GYS1: variants seen among roughly 807,000 people sequenced by gnomAD.
The protein encoded by GYS1 is glycogen [starch] synthase, muscle.
GYS1 carries 60 observed loss-of-function variants against 89.1 expected under a neutral mutation model. That is an observed-to-expected ratio of 0.67 (90% CI 0.55 to 0.84). The LOEUF (loss-of-function observed/expected upper bound fraction) is 0.84. Among genes scored for constraint, GYS1 ranks in the 40% least tolerant of loss-of-function variants. The pLI, the probability that GYS1 is intolerant of heterozygous loss-of-function variation, is 0.00. For missense variants in GYS1, 888 were observed against 1,003.1 expected (o/e 0.89, Z 1.55); for synonymous variants, 366 against 401.7 (o/e 0.91, Z 1.06).
chr19:48,983,795 T>G (rs899561192), intron 5 of GYS1, among the ~76,000 whole-genome samples: 4 of 152,142 alleles, frequency 2.6e-5, no homozygotes, highest in Non-Finnish European at 5.9e-5. Context: ...AAGACCAATC[T>G]ACATTAGCCA....
intron 2 of GYS1, among the ~76,000 whole-genome samples, chr19:48,988,479 A>G (rs1459918843): frequency 6.6e-6 from 1 of 152,012 alleles, no homozygotes; most frequent in East Asian, 1.9e-4. Context: ...CCACCATGCC[A>G]GGCTGATTTT....
At chr19:48,981,268 C>A (rs937699679) in intron 8 of GYS1, among the ~76,000 whole-genome samples, 20 of 151,690 alleles carry the variant, frequency 1.3e-4, no homozygotes, top group Admixed American at 1.1e-3. Context: ...CAAAAATTAG[C>A]CAGGCATGGT....
chr19:48,982,443 A>C, intron 6 of GYS1, 68 bp from the exon 7 acceptor site: 1 of 1,593,098 alleles, frequency 6.3e-7, no homozygotes, highest in African/African-American at 1.3e-5. Flanking sequence ...CAAAACTACA[A>C]ATCCCAGAAG....
intron 8 of GYS1, 138 bp from the exon 9 acceptor site, chr19:48,978,295 G>A (rs1286894958): frequency 4.0e-6 from 3 of 749,302 alleles, no homozygotes; most frequent in South Asian, 2.9e-5. Context: ...GCGTGATCTC[G>A]GCTCACTGCA....
At position 48,982,815 on chromosome 19, in the gene GYS1, C is replaced by T; in HGVS notation, c.846G>A (p.Leu282=). 1 of 1,610,668 alleles carries T rather than the reference C, an allele frequency of 6.2e-7. No individual in the cohort carries two copies. Among genetic ancestry groups the T allele is most frequent in the Non-Finnish European group, 8.5e-7 (1 of 1,176,784 alleles). The part of the protein sequence containing the change: ...RKPDIVTPNG[L]NVKKFSAMHE... The stretch of plus-strand genomic sequence containing the variant: ...GCATGGCAGAAAACTTCTTCACATT[C>T]AGCCCATTGGGGGTCACAATATCTG... Residue 282 remains leucine, a synonymous_variant, in exon 6 of 16, where the codon CTG becomes CTA. Transcript: ENST00000323798.
chr19:48,968,763 G>A lies in GYS1; in HGVS notation c.*525C>T, dbSNP rs1292348410. Reference sequence around the variant, plus strand: ...CTCCCAGAGCCCCACTTCTGGAGTTGAAATGGAGGACCATCTGCTCTCAGT... The same window carrying A: ...CTCCCAGAGCCCCACTTCTGGAGTTAAAATGGAGGACCATCTGCTCTCAGT... On this transcript the variant is annotated 3_prime_UTR_variant, in exon 16 of 16. Coordinates refer to ENST00000323798, the MANE Select transcript of GYS1 (RefSeq NM_002103.5). 1 of 454,158 alleles carries A rather than the reference G, an allele frequency of 2.2e-6. No individual in the cohort carries two copies. Among genetic ancestry groups the A allele is most frequent in the African/African-American group, 2.0e-5 (1 of 50,010 alleles). The allele number at this position is 454,158 out of a possible 1,614,324, so 28.1% of individuals were successfully genotyped here.
At chr19:48,980,659 C>CAAA (rs35768030) in intron 8 of GYS1, among the ~76,000 whole-genome samples, 2 of 142,350 alleles carry the variant, frequency 1.4e-5, no homozygotes, top group African/African-American at 5.2e-5. Flanking sequence ...GACTCTGTTT[C>CAAA]AAAAAAAAAA....
chr19:48,990,643 C>T (rs1468726064), intron 2 of GYS1, among the ~76,000 whole-genome samples: 1 of 152,212 alleles, frequency 6.6e-6, no homozygotes, highest in Non-Finnish European at 1.5e-5. Context: ...TTAACTGTTT[C>T]CTCCTCCCAG....
chr19:48,993,144 T>C lies in GYS1; in HGVS notation c.-32A>G. On this transcript the variant is annotated 5_prime_UTR_variant, in exon 1 of 16. Coordinates refer to ENST00000323798, the MANE Select transcript of GYS1 (RefSeq NM_002103.5). Reference sequence around the variant, plus strand: ...CGCAGGAAGGGGGGCTCCGGGGATCTCCAGGTAGGGACCCCGGAGGTGTCT... The same window carrying C: ...CGCAGGAAGGGGGGCTCCGGGGATCCCCAGGTAGGGACCCCGGAGGTGTCT... 1 of 1,240,472 alleles carries C rather than the reference T, an allele frequency of 8.1e-7. No homozygotes were observed. Among genetic ancestry groups the C allele is most frequent in the Non-Finnish European group, 1.2e-6 (1 of 839,618 alleles). The allele number at this position is 1,240,472 out of a possible 1,614,324, so 76.8% of individuals were successfully genotyped here. A position where few individuals can be genotyped will look rare whatever the true frequency, so the allele number is the denominator to read the frequency against.
Position 48,986,055 on chromosome 19 carries a change from G to A in GYS1, c.493-20C>T, listed in dbSNP as rs1397105860. Reference sequence around the variant, plus strand: ...CAGGAACTGTGGGCAACAGGGACAGGGCCACTGTCTCCACGAGTGTTGGGA... The same window carrying A: ...CAGGAACTGTGGGCAACAGGGACAGAGCCACTGTCTCCACGAGTGTTGGGA... On this transcript the variant is annotated intron_variant, in intron 3 of 15. Transcript: ENST00000323798. 1.2e-6 allele frequency: 2 copies of A among 1,610,942 alleles called. No individual in the cohort carries two copies. The highest frequency in any genetic ancestry group is 1.1e-5 in the South Asian group (1 of 91,012).
chr19:48,970,528 G>T lies in GYS1; in HGVS notation c.1809+18C>A, dbSNP rs752499733. ...GCTGCTGATTTGCCAGGAGAGGATAGGAAAGTGGGGGTCCTACCCGGCCTA... is the reference window on the plus strand; with the variant it reads ...GCTGCTGATTTGCCAGGAGAGGATATGAAAGTGGGGGTCCTACCCGGCCTA... On this transcript the variant is annotated intron_variant, in intron 14 of 15. Coordinates refer to ENST00000323798, the MANE Select transcript of GYS1 (RefSeq NM_002103.5). The T allele has an allele frequency of 1.9e-5, 31 of 1,611,314 alleles. No homozygotes were observed. The East Asian group carries it at 6.7e-4, about 35-fold the overall frequency.
chr19:48,974,503 C>T, intron 11 of GYS1, 117 bp downstream of exon 11: 1 of 1,032,434 alleles, frequency 9.7e-7, no homozygotes, highest in East Asian at 2.5e-5. Context: ...AGCCAGGGTT[C>T]TTTCTAACCA....
intron 8 of GYS1, among the ~76,000 whole-genome samples, chr19:48,979,371 T>G (rs1386954391): frequency 6.2e-5 from 6 of 97,298 alleles, no homozygotes; most frequent in African/African-American, 3.4e-4. Context: ...TTTTTTTTTT[T>G]TTTTTTGAGA....
At chr19:48,971,416 T>C (rs956163907) in intron 12 of GYS1, among the ~76,000 whole-genome samples, 8 of 152,116 alleles carry the variant, frequency 5.3e-5, no homozygotes, top group African/African-American at 1.9e-4. Context: ...ACTTAGTCTA[T>C]TTTGATGGGG....
In GYS1 at chr19:48,969,584, C is replaced by A; in HGVS notation, c.1918G>T (p.Ala640Ser). 9.1e-6 allele frequency: 14 copies of A among 1,538,330 alleles called. No homozygotes were observed. The highest frequency in any genetic ancestry group is 1.2e-5 in the Non-Finnish European group (14 of 1,147,084). The part of the protein sequence containing the change: ...AAQGYRYPRP[A>S]SVPPSPSLSR... Reference sequence around the variant, plus strand: ...AGCGAGGGCGACGGTGGCACCGAGGCTGGCCGTGGGTAGCGGTACCCCTGG... The same window carrying A: ...AGCGAGGGCGACGGTGGCACCGAGGATGGCCGTGGGTAGCGGTACCCCTGG... Residue 640 changes from alanine (A) to serine (S), a missense_variant, in exon 16 of 16, where the codon GCC (alanine) becomes TCC (serine). By Grantham distance (99) the Ala-to-Ser change is moderately conservative (BLOSUM62 1). Coordinates refer to ENST00000323798, the MANE Select transcript of GYS1 (RefSeq NM_002103.5).
chr19:48,982,175 G>C, intron 7 of GYS1, 80 bp downstream of exon 7: 1 of 1,431,252 alleles, frequency 7.0e-7, no homozygotes, highest in Non-Finnish European at 9.8e-7. Context: ...TTACAGGTGT[G>C]AGCCACTGTG....
At position 48,991,199 on chromosome 19, in the gene GYS1, C is replaced by G; in HGVS notation, c.300+103G>C. ...CCTTCCTGTGTCCAAGCCTGCCTCG[C>G]TCTCTGGCTGGGGCTGTCCACCCTG... On this transcript the variant is annotated intron_variant, in intron 2 of 15. Transcript: ENST00000323798. This position sits in a 1 kb window ranked among gnomAD's most constrained non-coding sequence, Gnocchi z 4.7. The G allele has an allele frequency of 7.8e-7, 1 of 1,280,812 alleles. No individual in the cohort carries two copies. The highest frequency in any genetic ancestry group is 1.7e-5 in the Admixed American group (1 of 59,234). 79.3% of individuals were successfully genotyped at this position (1,280,812 alleles called of 1,614,324 possible). A position where few individuals can be genotyped will look rare whatever the true frequency, so the allele number is the denominator to read the frequency against.
chr19:48,975,810 G>T (rs1312807965), intron 10 of GYS1, among the ~76,000 whole-genome samples: 1 of 150,712 alleles, frequency 6.6e-6, no homozygotes, highest in African/African-American at 2.5e-5. Flanking sequence ...GCCTCAGGAG[G>T]CTGGGGCAGG....
intron 12 of GYS1, among the ~76,000 whole-genome samples, chr19:48,973,029 T>A (rs890376783): frequency 6.6e-6 from 1 of 152,162 alleles, no homozygotes; most frequent in Admixed American, 6.6e-5. Flanking sequence ...TGACTCTGTG[T>A]TCCCCCCCAA....
Sources: gnomAD v4.1 joint callset for allele counts (sites outside exome capture counted in the v4.1 genomes callset) on GRCh38, gnomAD v4.1.1 for gene constraint, Gnocchi (gnomAD v3.1) non-coding constraint, MANE v1.5 for transcripts, NCBI Gene and HGNC (gene_info 2026-07-23, HGNC 2026-07-21) for gene names.